Variants in RALGAPB observed in about 807,000 individuals in gnomAD.
RALGAPB encodes the protein ral GTPase-activating protein subunit beta.
RALGAPB carries 25 observed loss-of-function variants against 161.1 expected under a neutral mutation model. The observed-to-expected ratio is 0.16, with a 90% CI of 0.11 to 0.22. The LOEUF is 0.22. RALGAPB is among the 10% of genes least tolerant of loss of function. The pLI, the probability that RALGAPB is intolerant of heterozygous loss-of-function variation, is 1.00. For synonymous variants in RALGAPB, 629 were observed against 626.1 expected, an observed-to-expected ratio of 1.00 and a Z score of -0.07; for missense variants, 1,391 against 1,815.2, an observed-to-expected ratio of 0.77 and a Z score of 4.25.
intron 6 of RALGAPB, among the ~76,000 whole-genome samples, chr20:38,512,560 A>T (rs1265538322): frequency 1.3e-5 from 2 of 152,136 alleles, no homozygotes; most frequent in Non-Finnish European, 2.9e-5. Context: ...TATTACAGTT[A>T]TTTCTGTATA....
At chr20:38,550,993 A>C in intron 20 of RALGAPB, 78 bp from the exon 21 acceptor site, 3 of 1,486,500 alleles carry the variant, frequency 2.0e-6, no homozygotes. Flanking sequence ...CAGGCATCTA[A>C]GAGACCAGGG....
chr20:38,498,405 TAAC>T (rs956970669), intron 4 of RALGAPB, among the ~76,000 whole-genome samples: 2 of 152,262 alleles, frequency 1.3e-5, no homozygotes, highest in Non-Finnish European at 2.9e-5. Context: ...CTCTGTTGAC[TAAC>T]ACATGTGAGT....
chr20:38,557,665 A>C (rs2087634446), intron 22 of RALGAPB, among the ~76,000 whole-genome samples: 1 of 152,288 alleles, frequency 6.6e-6, no homozygotes, highest in African/African-American at 2.4e-5. Context: ...TATGCATTTA[A>C]GGTTTCTTCA....
chr20:38,502,314 T>C (rs897158727), intron 5 of RALGAPB, among the ~76,000 whole-genome samples: 9 of 152,186 alleles, frequency 5.9e-5, no homozygotes, highest in African/African-American at 1.9e-4. Context: ...TTTCGTCATA[T>C]TTAATTTACA....
chr20:38,530,891 A>AG (rs1555878873), intron 13 of RALGAPB, among the ~76,000 whole-genome samples: 1 of 141,244 alleles, frequency 7.1e-6, no homozygotes, highest in Non-Finnish European at 1.5e-5. Flanking sequence ...GTGCCTGGCC[A>AG]TTTTTTTTTT....
intron 13 of RALGAPB, among the ~76,000 whole-genome samples, chr20:38,527,739 A>G: frequency 6.6e-6 from 1 of 152,338 alleles, no homozygotes; most frequent in Admixed American, 6.5e-5. Context: ...TTTAAATAAC[A>G]TAATTTTGCT....
chr20:38,526,420 G>T (rs1403794873), intron 13 of RALGAPB, among the ~76,000 whole-genome samples: 1 of 150,000 alleles, frequency 6.7e-6, no homozygotes, highest in East Asian at 2.0e-4. Flanking sequence ...TCTTCTTCTT[G>T]CCTCTTCCTC....
intron 1 of RALGAPB, among the ~76,000 whole-genome samples, chr20:38,482,974 A>G (rs1007497346): frequency 6.6e-6 from 1 of 152,146 alleles, no homozygotes; most frequent in African/African-American, 2.4e-5. Flanking sequence ...TGTAGCCCCA[A>G]CACCAGGATC....
chr20:38,480,025 A>G (rs1270859189), intron 1 of RALGAPB, among the ~76,000 whole-genome samples: 2 of 151,428 alleles, frequency 1.3e-5, no homozygotes, highest in Admixed American at 6.6e-5. Context: ...TCTGTTGCTC[A>G]GGCTGGAGTG....
chr20:38,512,845 C>T (rs192292782), intron 6 of RALGAPB, among the ~76,000 whole-genome samples: 13 of 152,232 alleles, frequency 8.5e-5, no homozygotes, highest in Admixed American at 2.6e-4. Context: ...CTGCAAGTTC[C>T]GCCTCCTGGG....
rs2084764443 is a variant in RALGAPB at position 38,475,069 on chromosome 20, A to G, written c.-31+2000A>G. Among the ~76,000 whole-genome samples, 7 of 152,330 alleles carry G rather than the reference A, an allele frequency of 4.6e-5. No individual in the cohort carries two copies. The South Asian group carries it at 1.4e-3, about 32-fold the overall frequency. On this transcript the variant is annotated intron_variant, in intron 1 of 29. Transcript: ENST00000262879. Reference sequence around the variant, plus strand: ...ACTCTGTAACTAACCATGTGCAATCAACATTGTTTGATTTTTAATGTCTGA... The same window carrying G: ...ACTCTGTAACTAACCATGTGCAATCGACATTGTTTGATTTTTAATGTCTGA...
At chr20:38,482,896 T>G (rs2122834931) in intron 1 of RALGAPB, among the ~76,000 whole-genome samples, 2 of 152,168 alleles carry the variant, frequency 1.3e-5, no homozygotes, top group Middle Eastern at 6.8e-3. Context: ...ACTATTTGCT[T>G]TTTTTTAGAC....
At chr20:38,490,584 G>A (rs1157461327) in intron 2 of RALGAPB, among the ~76,000 whole-genome samples, 1 of 150,994 alleles carries the variant, frequency 6.6e-6, no homozygotes, top group Admixed American at 6.6e-5. Flanking sequence ...TTAGCTCACC[G>A]CAACCTCTGC....
chr20:38,557,409 C>A (rs531027909), intron 22 of RALGAPB, among the ~76,000 whole-genome samples: 1 of 152,162 alleles, frequency 6.6e-6, no homozygotes, highest in African/African-American at 2.4e-5. Context: ...CTGTGCTGTA[C>A]AGGTCTCTGG....
Position 38,532,837 on chromosome 20 carries a change from T to A in RALGAPB, c.2223T>A (p.Ala741=). 6.2e-7 allele frequency: 1 copy of A among 1,614,204 alleles called. No individual in the cohort carries two copies. The highest frequency in any genetic ancestry group is 8.5e-7 in the Non-Finnish European group (1 of 1,180,020). The change falls in exon 15 of 30, where the codon GCT becomes GCA. Residue 741 remains alanine, a synonymous_variant. Coordinates refer to ENST00000262879, the MANE Select transcript of RALGAPB (RefSeq NM_020336.4). ...EPTTPDSERP[A]QALLRDYALN... ...CGACTCCCGATAGTGAGAGACCTGC[T>A]CAAGCTCTCTTAAGAGATTATGGTT...
chr20:38,487,031 A>G (rs1003078195), intron 1 of RALGAPB, among the ~76,000 whole-genome samples: 61 of 152,146 alleles, frequency 4.0e-4, no homozygotes, highest in African/African-American at 1.4e-3. Flanking sequence ...GGTAATAGGC[A>G]CTCAGCTGAG....
intron 13 of RALGAPB, 48 bp from the exon 14 acceptor site, chr20:38,531,119 A>T: frequency 7.0e-7 from 1 of 1,436,432 alleles, no homozygotes; most frequent in Non-Finnish European, 9.8e-7. Context: ...TACGCATTTT[A>T]GTGTTCTTGT....
chr20:38,541,034 C>T lies in RALGAPB; in HGVS notation c.2563-7C>T. ...TCTAAAAATTGATCTGCCTTTCCTG[C>T]TTTTAGGACTGCCTTAAGGAAGTAC... On this transcript the variant is annotated splice_region_variant and splice_polypyrimidine_tract_variant and intron_variant, in intron 17 of 29. Coordinates refer to ENST00000262879, the MANE Select transcript of RALGAPB (RefSeq NM_020336.4). 1 of 1,612,578 alleles carries T rather than the reference C, an allele frequency of 6.2e-7. No individual in the cohort carries two copies. Among genetic ancestry groups the T allele is most frequent in the Non-Finnish European group, 8.5e-7 (1 of 1,179,138 alleles).
chr20:38,549,831 A>G (rs2087311978), intron 20 of RALGAPB, among the ~76,000 whole-genome samples: 1 of 152,030 alleles, frequency 6.6e-6, no homozygotes, highest in Non-Finnish European at 1.5e-5. Context: ...AATTTGAGTC[A>G]TTTTGTATAC....
Sources: gnomAD v4.1 joint callset for allele counts (sites outside exome capture counted in the v4.1 genomes callset) on GRCh38, gnomAD v4.1.1 for gene constraint, MANE v1.5 for transcripts, NCBI Gene and HGNC (gene_info 2026-07-23, HGNC 2026-07-21) for gene names.